Variants in PRDM5 observed in about 807,000 individuals in gnomAD.
PRDM5 encodes PR domain zinc finger protein 5.
In PRDM5, 56 loss-of-function variants were observed where a neutral mutation model predicts 81.2. That is an observed-to-expected ratio of 0.69 (90% CI 0.56 to 0.86). The LOEUF (loss-of-function observed/expected upper bound fraction) is 0.86, where lower values mean the gene tolerates loss of function less well. PRDM5 is among the 40% of genes least tolerant of loss of function. The pLI is 0.00. For synonymous variants in PRDM5, 267 were observed against 256.4 expected, an observed-to-expected ratio of 1.04 and a Z score of -0.39; for missense variants, 697 against 770.1, an observed-to-expected ratio of 0.91 and a Z score of 1.12.
At chr4:120,753,476 T>G (rs1744292064) in intron 14 of PRDM5, among the ~76,000 whole-genome samples, 1 of 152,146 alleles carries the variant, frequency 6.6e-6, no homozygotes, top group African/African-American at 2.4e-5. Context: ...AAGCTCCCTC[T>G]CTTCACCACA....
chr4:120,862,438 G>A (rs1760708454), intron 2 of PRDM5, among the ~76,000 whole-genome samples: 1 of 152,202 alleles, frequency 6.6e-6, no homozygotes, highest in Non-Finnish European at 1.5e-5. Context: ...ACAGAAGGGT[G>A]TAAAGTAACA....
chr4:120,695,843 C>CA (rs997185250), intron 15 of PRDM5, among the ~76,000 whole-genome samples: 17 of 151,328 alleles, frequency 1.1e-4, no homozygotes, highest in East Asian at 3.9e-4. Flanking sequence ...TCCAAGTTAC[C>CA]AAAAAAAATG....
intron 13 of PRDM5, among the ~76,000 whole-genome samples, chr4:120,760,748 CT>C (rs1327491496): frequency 1.7e-3 from 250 of 143,722 alleles, no homozygotes; most frequent in Middle Eastern, 3.6e-3. Context: ...ATTAAATAGA[CT>C]TTTTTTTTTT....
At chr4:120,848,198 T>TA (rs1051586910) in intron 3 of PRDM5, among the ~76,000 whole-genome samples, 1 of 152,094 alleles carries the variant, frequency 6.6e-6, no homozygotes, top group Non-Finnish European at 1.5e-5. Flanking sequence ...TTTGGGAACA[T>TA]AAAAAAATCA....
At chr4:120,869,984 GAAA>G (rs1224893202) in intron 2 of PRDM5, among the ~76,000 whole-genome samples, 1 of 149,008 alleles carries the variant, frequency 6.7e-6, no homozygotes, top group South Asian at 2.1e-4. Flanking sequence ...AAAGAACAAA[GAAA>G]AAAAAAGAGG....
intron 1 of PRDM5, among the ~76,000 whole-genome samples, chr4:120,913,188 C>T (rs1429492542): frequency 6.6e-6 from 1 of 152,220 alleles, no homozygotes; most frequent in Non-Finnish European, 1.5e-5. Context: ...TTGTATGGAA[C>T]TATCACACAA....
At chr4:120,684,656 T>C (rs1336814944), downstream of PRDM5, among the ~76,000 whole-genome samples, 3 of 151,986 alleles carry the variant, frequency 2.0e-5, no homozygotes, top group Admixed American at 6.6e-5. Flanking sequence ...ATAGTACTCA[T>C]GTCTGACCAA....
chr4:120,791,822 C>A (rs746434488), intron 10 of PRDM5, among the ~76,000 whole-genome samples: 1 of 152,166 alleles, frequency 6.6e-6, no homozygotes, highest in Admixed American at 6.5e-5. Flanking sequence ...TAAGGGTGGA[C>A]GCTTTGTGAA....
intron 3 of PRDM5, among the ~76,000 whole-genome samples, chr4:120,847,591 C>G (rs1758802013): frequency 6.6e-6 from 1 of 152,182 alleles, no homozygotes; most frequent in African/African-American, 2.4e-5. Flanking sequence ...AGCTAAGTTG[C>G]TCCTAAATTC....
chr4:120,691,203 A>G (rs1366178843), downstream of PRDM5, among the ~76,000 whole-genome samples: 1 of 152,108 alleles, frequency 6.6e-6, no homozygotes, highest in Non-Finnish European at 1.5e-5. Context: ...ATTCCAGACT[A>G]TTTCCTGGGC....
At chr4:120,756,666 G>A (rs1461956620) in intron 13 of PRDM5, among the ~76,000 whole-genome samples, 1 of 152,170 alleles carries the variant, frequency 6.6e-6, no homozygotes, top group Non-Finnish European at 1.5e-5. Context: ...CTGCTAAATG[G>A]TGGTAGCTCC....
intron 14 of PRDM5, among the ~76,000 whole-genome samples, chr4:120,751,724 C>T (rs903332128): frequency 6.6e-6 from 1 of 152,208 alleles, no homozygotes; most frequent in African/African-American, 2.4e-5. Context: ...GCAAAATTAT[C>T]TCCCACATCT....
intron 3 of PRDM5, chr4:120,838,907 T>C: frequency 2.8e-6 from 1 of 356,892 alleles, no homozygotes; most frequent in Non-Finnish European, 5.2e-6. Context: ...TGAGAGTGAG[T>C]GTGGGGTCTG....
intron 8 of PRDM5, among the ~76,000 whole-genome samples, chr4:120,807,708 G>T (rs1379465898): frequency 6.6e-6 from 1 of 152,190 alleles, no homozygotes; most frequent in East Asian, 1.9e-4. Context: ...TCCGGAGTTT[G>T]TTCCTTCTGA....
chr4:120,712,243 T>G (rs1283047948), intron 14 of PRDM5, among the ~76,000 whole-genome samples: 2 of 152,046 alleles, frequency 1.3e-5, no homozygotes, highest in East Asian at 3.9e-4. Context: ...CCAAGATGAC[T>G]CCAATGCACT....
At chr4:120,823,120 A>G (rs1454299749) in intron 3 of PRDM5, among the ~76,000 whole-genome samples, 1 of 152,206 alleles carries the variant, frequency 6.6e-6, no homozygotes, top group African/African-American at 2.4e-5. Context: ...AGAATGCAAT[A>G]ATAAATATTA....
At chr4:120,840,398 C>A (rs1183792055) in intron 3 of PRDM5, among the ~76,000 whole-genome samples, 1 of 152,110 alleles carries the variant, frequency 6.6e-6, no homozygotes, top group Non-Finnish European at 1.5e-5. Flanking sequence ...TTGGCAGTCA[C>A]CCCAATGCAG....
At chr4:120,915,175 C>T (rs931891186) in intron 1 of PRDM5, among the ~76,000 whole-genome samples, 15 of 152,066 alleles carry the variant, frequency 9.9e-5, no homozygotes, top group African/African-American at 3.6e-4. Context: ...TCAGTTTCCA[C>T]CAAGAAGGTT....
chr4:120,785,099 G>A lies in PRDM5; in HGVS notation c.1189-8C>T, dbSNP rs1248725710. The A allele has an allele frequency of 1.6e-5, 25 of 1,589,694 alleles. No homozygotes were observed. Among genetic ancestry groups the A allele is most frequent in the Non-Finnish European group, 2.0e-5 (23 of 1,158,162 alleles). ...TCTCTCCTCAGAGTGGGTCTGCAGA[G>A]GAAAAACACTGAGTCAGGAGGATCT... is the stretch of plus-strand genomic sequence containing the variant. On this transcript the variant is annotated splice_polypyrimidine_tract_variant and splice_region_variant and intron_variant, in intron 10 of 15. Transcript: ENST00000264808.
Sources: gnomAD v4.1 joint callset for allele counts (sites outside exome capture counted in the v4.1 genomes callset) on GRCh38, gnomAD v4.1.1 for gene constraint, MANE v1.5 for transcripts, NCBI Gene and HGNC (gene_info 2026-07-23, HGNC 2026-07-21) for gene names.